ELOVL2: variants seen among roughly 807,000 people sequenced by gnomAD.
ELOVL2 encodes the protein ELOVL fatty acid elongase 2.
A neutral mutation model predicts 37.7 loss-of-function variants in ELOVL2; 38 were observed. The observed-to-expected ratio is 1.01, with a 90% confidence interval of 0.78 to 1.32. ELOVL2 has a LOEUF of 1.32. Among genes scored for constraint, ELOVL2 ranks in the 40% most tolerant of loss-of-function variants. ELOVL2 has a pLI of 0.00. For synonymous variants in ELOVL2, 115 were observed against 122.3 expected, an observed-to-expected ratio of 0.94 and a Z score of 0.40; for missense variants, 352 against 363.6, an observed-to-expected ratio of 0.97 and a Z score of 0.26.
At chr6:11,010,850 TC>T in intron 1 of ELOVL2, 41 bp from the exon 2 acceptor site, 1 of 1,524,668 alleles carries the variant, frequency 6.6e-7, no homozygotes. Context: ...GTTTTTTTCT[TC>T]TTTTTTTGAA....
chr6:11,015,070 T>G (rs1473951141), intron 1 of ELOVL2, among the ~76,000 whole-genome samples: 1 of 152,184 alleles, frequency 6.6e-6, no homozygotes, highest in African/African-American at 2.4e-5. Context: ...ACAACATGGA[T>G]GTATCTCAAA....
intron 3 of ELOVL2, among the ~76,000 whole-genome samples, chr6:11,002,019 G>C (rs1021999958): frequency 1.3e-5 from 2 of 152,140 alleles, no homozygotes; most frequent in Non-Finnish European, 2.9e-5. Context: ...TCACCCTCAT[G>C]GTCCATTTTC....
intron 2 of ELOVL2, among the ~76,000 whole-genome samples, chr6:11,008,359 C>T (rs1782513739): frequency 6.6e-6 from 1 of 152,244 alleles, no homozygotes; most frequent in Non-Finnish European, 1.5e-5. Context: ...GCCAATCTTA[C>T]TGGCAGCAAA....
chr6:11,040,731 A>T (rs537503483), intron 1 of ELOVL2, among the ~76,000 whole-genome samples: 1 of 152,324 alleles, frequency 6.6e-6, no homozygotes, highest in African/African-American at 2.4e-5. Flanking sequence ...TATAATAGTT[A>T]ATATTTACTA....
At chr6:11,035,066 C>T (rs1251719870) in intron 1 of ELOVL2, among the ~76,000 whole-genome samples, 5 of 152,156 alleles carry the variant, frequency 3.3e-5, no homozygotes, top group Non-Finnish European at 7.4e-5. Flanking sequence ...CTAATCTGTG[C>T]TAGGCTCTGT....
chr6:10,995,179 C>A lies in ELOVL2; in HGVS notation c.334-1G>T. The A allele has an allele frequency of 6.3e-7, 1 of 1,596,546 alleles. No homozygotes were observed. The highest frequency in any genetic ancestry group is 1.1e-5 in the South Asian group (1 of 88,328). ...AGTACCACCAAAGCACCTTGGCTAC[C>A]TATAGAAATTTGTAAAGGGGAGAAA... is the stretch of plus-strand genomic sequence containing the variant. On this transcript the variant is annotated splice_acceptor_variant, in intron 4 of 7. Transcript: ENST00000354666. LOFTEE classifies it high-confidence loss of function.
chr6:11,043,982 G>T (rs1561732638), intron 1 of ELOVL2, among the ~76,000 whole-genome samples: 1 of 151,764 alleles, frequency 6.6e-6, no homozygotes, highest in Non-Finnish European at 1.5e-5. Context: ...CGGGACCGGG[G>T]AGAGGGGACC....
At chr6:11,000,202 AG>A (rs892454323) in intron 3 of ELOVL2, 38 bp from the exon 4 acceptor site, 5 of 1,583,022 alleles carry the variant, frequency 3.2e-6, no homozygotes, top group African/African-American at 1.3e-5. Context: ...AACAAACATC[AG>A]CACAAGAATT....
intron 3 of ELOVL2, 125 bp from the exon 4 acceptor site, chr6:11,000,289 GT>G: frequency 3.5e-6 from 3 of 863,994 alleles, no homozygotes; most frequent in Non-Finnish European, 3.7e-6. Context: ...CAGAATTTGA[GT>G]TTGTCTCAAT....
At chr6:11,009,847 C>G (rs946002527) in intron 2 of ELOVL2, among the ~76,000 whole-genome samples, 1 of 151,938 alleles carries the variant, frequency 6.6e-6, no homozygotes, top group South Asian at 2.1e-4. Flanking sequence ...TGACTTAGGT[C>G]TTTAGAATGT....
intron 2 of ELOVL2, among the ~76,000 whole-genome samples, chr6:11,008,330 C>A (rs1469761494): frequency 6.6e-6 from 1 of 152,214 alleles, no homozygotes; most frequent in Non-Finnish European, 1.5e-5. Context: ...GATCCCACAT[C>A]CACATAATTC....
chr6:11,013,079 G>C (rs141732651), intron 1 of ELOVL2, among the ~76,000 whole-genome samples: 144 of 152,308 alleles, frequency 9.5e-4, no homozygotes, highest in African/African-American at 3.2e-3. Context: ...ACATCAGAAA[G>C]AAAGATTAAC....
intron 1 of ELOVL2, among the ~76,000 whole-genome samples, chr6:11,025,265 T>TATA (rs1687607874): frequency 1.3e-5 from 2 of 152,164 alleles, no homozygotes; most frequent in Non-Finnish European, 2.9e-5. Flanking sequence ...ATTCTTTGCC[T>TATA]ATATAAGAAT....
chr6:11,010,848 C>CT, intron 1 of ELOVL2, 39 bp from the exon 2 acceptor site: 1 of 1,533,922 alleles, frequency 6.5e-7, no homozygotes, highest in Non-Finnish European at 8.9e-7. Flanking sequence ...GTGTTTTTTT[C>CT]TTCTTTTTTT....
At chr6:11,016,092 T>G (rs1244219496) in intron 1 of ELOVL2, among the ~76,000 whole-genome samples, 1 of 152,144 alleles carries the variant, frequency 6.6e-6, no homozygotes, top group African/African-American at 2.4e-5. Flanking sequence ...GACTCTTGAT[T>G]CCATTTTATT....
intron 1 of ELOVL2, among the ~76,000 whole-genome samples, chr6:11,036,321 T>C (rs1036076590): frequency 6.6e-6 from 1 of 152,206 alleles, no homozygotes; most frequent in Non-Finnish European, 1.5e-5. Flanking sequence ...TTCCAAAATA[T>C]AGTGAAGCCA....
At position 10,989,716 on chromosome 6, in the gene ELOVL2, T is replaced by A. The variant is rs376331635; in HGVS notation, c.752A>T (p.Asn251Ile). Residue 251 changes from asparagine to isoleucine, a missense_variant, in exon 7 of 8, where the codon AAT becomes ATT. Transcript: ENST00000354666. ...YMLTLVILFL[N>I]FYVQTYRKKP... ...CATTCCACGTACCTGAACGTAAAAATTTAAGAAGAGGATGACTAACGTTAG... is the reference window on the plus strand; with the variant it reads ...CATTCCACGTACCTGAACGTAAAAAATTAAGAAGAGGATGACTAACGTTAG... The A allele has an allele frequency of 6.2e-7, 1 of 1,613,518 alleles. No homozygotes were observed. The highest frequency in any genetic ancestry group is 1.7e-5 in the Admixed American group (1 of 59,984).
rs148457234 is a variant in ELOVL2 at position 11,012,250 on chromosome 6, CATA to C, written c.4-1444_4-1442del. Among the ~76,000 whole-genome samples, 64 of 152,292 alleles carry C rather than the reference CATA, an allele frequency of 4.2e-4. No individual in the cohort carries two copies. The East Asian group carries it at 0.011, about 27-fold the overall frequency. On this transcript the variant is annotated intron_variant, in intron 1 of 7. Coordinates refer to ENST00000354666, the MANE Select transcript of ELOVL2 (RefSeq NM_017770.4). The stretch of plus-strand genomic sequence containing the variant: ...ATAAGGAACTTTATCTTCATTATTT[CATA>C]ATATCTTTATAAAAAATATCTGGGC...
chr6:10,982,192 C>A lies in ELOVL2; in HGVS notation c.*1589G>T, dbSNP rs1169431532. 2 of 152,076 alleles carry A rather than the reference C, an allele frequency of 1.3e-5. No homozygotes were observed. The highest frequency in any genetic ancestry group is 3.9e-4 in the East Asian group (2 of 5,192). 9.4% of individuals were successfully genotyped at this position (152,076 alleles called of 1,614,324 possible). A position where few individuals can be genotyped will look rare whatever the true frequency, so the allele number is the denominator to read the frequency against. On this transcript the variant is annotated 3_prime_UTR_variant, in exon 8 of 8. Coordinates refer to ENST00000354666, the MANE Select transcript of ELOVL2 (RefSeq NM_017770.4). ...TAGAGACTATCCTAAGCATTAGGCA[C>A]CTTCCAAAAAATATGCCCAAATCCT...
Sources: gnomAD v4.1 joint callset for allele counts (sites outside exome capture counted in the v4.1 genomes callset) on GRCh38, gnomAD v4.1.1 for gene constraint, MANE v1.5 for transcripts, NCBI Gene and HGNC (gene_info 2026-07-23, HGNC 2026-07-21) for gene names.